MSS51: variants seen among roughly 807,000 people sequenced by gnomAD.
MSS51 encodes the protein putative protein MSS51 homolog, mitochondrial.
In MSS51, 32 loss-of-function variants were observed where a neutral mutation model predicts 40.2. That is an observed-to-expected ratio of 0.80 (90% confidence interval 0.60 to 1.07). The LOEUF is 1.07. Ranked by LOEUF, MSS51 falls within the 50% of genes least tolerant of loss-of-function variation. The pLI is 0.00. For missense variants in MSS51, 518 were observed against 568.9 expected (o/e 0.91, Z 0.91); for synonymous variants, 178 against 214.2 (o/e 0.83, Z 1.48).
rs1243546339 is a variant in MSS51, at chr10:73,423,825, A to T, written c.*728T>A. The stretch of plus-strand genomic sequence containing the variant: ...TCCCAATGACTTCCCTGACTTGTCC[A>T]TTCTTGCATCACTTCAAGTCATCAA... On this transcript the variant is annotated 3_prime_UTR_variant, in exon 7 of 7. Coordinates refer to ENST00000299432, the MANE Select transcript of MSS51 (RefSeq NM_001024593.2). 6.6e-6 allele frequency: 1 copy of T among 152,542 alleles called. No individual in the cohort carries two copies. Among genetic ancestry groups the T allele is most frequent in the African/African-American group, 2.4e-5 (1 of 41,464 alleles). The allele number at this position is 152,542 out of a possible 1,614,324, so 9.4% of individuals were successfully genotyped here. A position where few individuals can be genotyped will look rare whatever the true frequency, so the allele number is the denominator to read the frequency against.
Position 73,426,606 on chromosome 10 carries a change from C to A in MSS51, c.502+1G>T, listed in dbSNP as rs762324857. 2.3e-5 allele frequency: 37 copies of A among 1,614,090 alleles called. No homozygotes were observed. In the Admixed American group the frequency reaches 5.8e-4, roughly 25 times the overall value. ...AGAGATCCTCAACACCACCACTCCA[C>A]CTGTGACCAGAAGCCATTCCATGAG... On this transcript the variant is annotated splice_donor_variant, in intron 4 of 6. Transcript: ENST00000299432. LOFTEE classifies it high-confidence loss of function.
intron 1 of MSS51, 107 bp from the exon 2 acceptor site, chr10:73,428,408 C>CTGATAA: frequency 1.2e-6 from 1 of 817,776 alleles, no homozygotes; most frequent in East Asian, 2.7e-5. Context: ...GTCTCTCAGA[C>CTGATAA]CCAGGTTATC....
intron 5 of MSS51, 94 bp downstream of exon 5, chr10:73,425,717 G>A (rs1452717509): frequency 2.1e-6 from 2 of 958,486 alleles, no homozygotes; most frequent in Non-Finnish European, 3.1e-6. Context: ...TGTGTTTAAT[G>A]AGACCAAATG....
chr10:73,427,561 G>C (rs1364566872), intron 3 of MSS51, 52 bp downstream of exon 3: 7 of 1,548,718 alleles, frequency 4.5e-6, no homozygotes, highest in Non-Finnish European at 6.1e-6. Context: ...ATCATGCCCG[G>C]CTAATACAGG....
intron 6 of MSS51, 146 bp downstream of exon 6, chr10:73,424,952 C>T (rs562498216): frequency 1.2e-6 from 1 of 805,854 alleles, no homozygotes; most frequent in South Asian, 1.6e-5. Context: ...TAGCAAAGGA[C>T]TGTTCCAAGG....
At chr10:73,427,942 A>G in intron 2 of MSS51, 122 bp downstream of exon 2, 1 of 1,209,384 alleles carries the variant, frequency 8.3e-7, no homozygotes, top group Non-Finnish European at 1.2e-6. Flanking sequence ...AACTGGCAAA[A>G]GGATGAGAAA....
Position 73,428,097 on chromosome 10 carries a change from T to G in MSS51, c.188A>C (p.Gln63Pro), listed in dbSNP as rs765691106. 4.3e-6 allele frequency: 7 copies of G among 1,614,126 alleles called. No homozygotes were observed. Among genetic ancestry groups the G allele is most frequent in the Admixed American group, 3.3e-5 (2 of 60,016 alleles). Residue 63 changes from glutamine to proline, a missense_variant, in exon 2 of 7, where the codon CAA becomes CCA. Transcript: ENST00000299432. ...NVPGLSQLILQKLNMKSYEEY... is the reference protein window; with the variant it reads ...NVPGLSQLILPKLNMKSYEEY... ...TTCATAGCTTTTCATGTTCAGCTTTTGAAGGATCAGCTGCGATAGGCCAGG... is the reference window on the plus strand; with the variant it reads ...TTCATAGCTTTTCATGTTCAGCTTTGGAAGGATCAGCTGCGATAGGCCAGG...
rs575160090 is a variant in MSS51 at position 73,425,285 on chromosome 10, C to T, written c.1070-94G>A. On this transcript the variant is annotated intron_variant, in intron 5 of 6. Coordinates refer to ENST00000299432, the MANE Select transcript of MSS51 (RefSeq NM_001024593.2). ...TGACTGTGAGCACCCCACCCCTCAC[C>T]TTGCTTATCCCCAGTCATTATCATC... The T allele has an allele frequency of 1.7e-5, 12 of 724,512 alleles. No individual in the cohort carries two copies. The South Asian group carries it at 1.8e-4, about 11-fold the overall frequency. 44.9% of individuals were successfully genotyped at this position (724,512 alleles called of 1,614,324 possible).
intron 1 of MSS51, among the ~76,000 whole-genome samples, chr10:73,430,872 G>A (rs1227960720): frequency 6.6e-6 from 1 of 152,064 alleles, no homozygotes; most frequent in East Asian, 1.9e-4. Flanking sequence ...CAACCCAAAG[G>A]TCCATCAATG....
intron 3 of MSS51, 102 bp from the exon 4 acceptor site, chr10:73,426,833 G>C: frequency 7.2e-7 from 1 of 1,379,738 alleles, no homozygotes; most frequent in Non-Finnish European, 9.9e-7. Context: ...GAATGGGTAA[G>C]GAAGGTAGGG....
At chr10:73,429,764 T>C (rs1042844753) in intron 1 of MSS51, 24 of 445,282 alleles carry the variant, frequency 5.4e-5, no homozygotes, top group Admixed American at 1.8e-4. Context: ...GATAAACAGA[T>C]GAAATCATTT....
rs752550304 is a variant in MSS51, at chr10:73,426,699, C to T, written c.410G>A (p.Cys137Tyr). The change falls in exon 4 of 7, where the codon TGC becomes TAC. Residue 137 changes from cysteine to tyrosine, a missense_variant. Coordinates refer to ENST00000299432, the MANE Select transcript of MSS51 (RefSeq NM_001024593.2). The stretch of plus-strand genomic sequence containing the variant: ...GTGTGCGGGCCAGTCTGACTTCTGG[C>T]ACTCTGGACCACAGTAATAGACATT... ...CRNVYYCGPE[C>Y]QKSDWPAHRR... is the part of the protein sequence containing the mutation. 1 of 1,614,164 alleles carries T rather than the reference C, an allele frequency of 6.2e-7. No individual in the cohort carries two copies. Among genetic ancestry groups the T allele is most frequent in the South Asian group, 1.1e-5 (1 of 91,078 alleles).
intron 1 of MSS51, among the ~76,000 whole-genome samples, chr10:73,428,742 C>A (rs2056007890): frequency 6.6e-6 from 1 of 151,892 alleles, no homozygotes; most frequent in Non-Finnish European, 1.5e-5. Flanking sequence ...CCACCTTGGC[C>A]TCCCAAAATG....
chr10:73,426,130 A>G lies in MSS51; in HGVS notation c.750T>C (p.Leu250=), dbSNP rs773577338. The change falls in exon 5 of 7, where the codon CTT becomes CTC. Residue 250 remains leucine, a synonymous_variant. Coordinates refer to ENST00000299432, the MANE Select transcript of MSS51 (RefSeq NM_001024593.2). ...LSRPLTLGLG[L]RALGIDVRRT... is the part of the protein sequence containing the mutation. ...TCCTAACATCTATCCCCAAGGCCCT[A>G]AGTCCTAGGCCTAGAGTCAAGGGCC... 19 of 1,614,088 alleles carry G rather than the reference A, an allele frequency of 1.2e-5. No individual in the cohort carries two copies. Among genetic ancestry groups the G allele is most frequent in the Non-Finnish European group, 1.7e-6 (2 of 1,180,040 alleles).
intron 1 of MSS51, among the ~76,000 whole-genome samples, chr10:73,432,445 T>A (rs1314429385): frequency 6.6e-6 from 1 of 152,170 alleles, no homozygotes; most frequent in African/African-American, 2.4e-5. Context: ...CCAGAATTTA[T>A]AATAGATATC....
At chr10:73,427,046 C>T (rs2055994629) in intron 3 of MSS51, among the ~76,000 whole-genome samples, 1 of 152,014 alleles carries the variant, frequency 6.6e-6, no homozygotes, top group African/African-American at 2.4e-5. Flanking sequence ...CCTCCACCTC[C>T]CCAGAACAAA....
In MSS51 at chr10:73,424,353, G is replaced by A. The variant is rs996250099; in HGVS notation, c.*200C>T. ...GATCATGCCGCTGCACTCCAGCCTG[G>A]GCAACAGAGCAAGACTCCATCTCAA... On this transcript the variant is annotated 3_prime_UTR_variant, in exon 7 of 7. Transcript: ENST00000299432. 39 of 535,152 alleles carry A rather than the reference G, an allele frequency of 7.3e-5. No individual in the cohort carries two copies. The highest frequency in any genetic ancestry group is 1.1e-4 in the Non-Finnish European group (34 of 297,296). 33.2% of individuals were successfully genotyped at this position (535,152 alleles called of 1,614,324 possible).
chr10:73,428,976 G>T (rs958638607), intron 1 of MSS51, among the ~76,000 whole-genome samples: 1 of 151,100 alleles, frequency 6.6e-6, no homozygotes, highest in South Asian at 2.1e-4. Context: ...AGGCTGAGGC[G>T]GGCGGATCAC....
At position 73,424,638 on chromosome 10, in the gene MSS51, C is replaced by T. The variant is rs1235598522; in HGVS notation, c.1298G>A (p.Cys433Tyr). 10 of 1,613,928 alleles carry T rather than the reference C, an allele frequency of 6.2e-6. No homozygotes were observed. Among genetic ancestry groups the T allele is most frequent in the Non-Finnish European group, 8.5e-6 (10 of 1,179,976 alleles). The change falls in exon 7 of 7, where the codon TGC becomes TAC. Residue 433 changes from cysteine to tyrosine, a missense_variant. By Grantham distance (194) the Cys-to-Tyr change is radical. Coordinates refer to ENST00000299432, the MANE Select transcript of MSS51 (RefSeq NM_001024593.2). ...YSSPNKQPVYCSAYYIMFLGS... is the reference protein window; with the variant it reads ...YSSPNKQPVYYSAYYIMFLGS... ...AAGAAACATGATATAGTATGCACTGCAGTATACTGGCTGCTTGTTGGGACT... is the reference window on the plus strand; with the variant it reads ...AAGAAACATGATATAGTATGCACTGTAGTATACTGGCTGCTTGTTGGGACT...
Sources: allele counts gnomAD v4.1 joint callset (sites outside exome capture counted in the v4.1 genomes callset), GRCh38; gene constraint gnomAD v4.1.1; transcripts MANE v1.5; gene names NCBI Gene and HGNC (gene_info 2026-07-23, HGNC 2026-07-21).